Variants in DNAH11 observed in about 807,000 individuals in gnomAD.
DNAH11 encodes dynein axonemal heavy chain 11, also known as axonemal beta dynein heavy chain 11.
A neutral mutation model predicts 526.0 loss-of-function variants in DNAH11; 442 were observed. The observed-to-expected ratio is 0.84, with a 90% CI of 0.78 to 0.91. The LOEUF is 0.91. DNAH11 is among the 40% of genes least tolerant of loss of function. The pLI is 0.00. For synonymous variants in DNAH11, 2,461 were observed against 1,935.9 expected (o/e 1.27, Z -7.12); for missense variants, 6,989 against 5,448.7 (o/e 1.28, Z -8.90).
intron 30 of DNAH11, among the ~76,000 whole-genome samples, chr7:21,679,587 AAT>A (rs1196362998): frequency 6.6e-6 from 1 of 152,182 alleles, no homozygotes; most frequent in African/African-American, 2.4e-5. Flanking sequence ...GTGTATCCTG[AAT>A]ATCTAGGGGA....
chr7:21,784,460 CAGAG>C lies in DNAH11; in HGVS notation c.9521_9524del (p.Arg3174AsnfsTer31). 1 of 1,613,434 alleles carries C rather than the reference CAGAG, an allele frequency of 6.2e-7. No homozygotes were observed. Among genetic ancestry groups the C allele is most frequent in the Non-Finnish European group, 8.5e-7 (1 of 1,179,660 alleles). On this transcript the variant is annotated frameshift_variant, in exon 58 of 82. Transcript: ENST00000409508. LOFTEE classifies it high-confidence loss of function. Reference sequence around the variant, plus strand: ...CATTCAGACTGAAGTGTTCCAGAAACAGAGAGAATGTGAAGCTGACTTACTCAAG... The same window carrying C: ...CATTCAGACTGAAGTGTTCCAGAAACAGAATGTGAAGCTGACTTACTCAAG...
chr7:21,546,899 C>T (rs1782824002), intron 2 of DNAH11, among the ~76,000 whole-genome samples: 1 of 152,202 alleles, frequency 6.6e-6, no homozygotes, highest in African/African-American at 2.4e-5. Flanking sequence ...GGTTTAAGAA[C>T]TGTCATAAAG....
Position 21,683,641 on chromosome 7 carries a change from G to T in DNAH11, c.5461-143G>T, listed in dbSNP as rs975389634. On this transcript the variant is annotated intron_variant, in intron 31 of 81. Coordinates refer to ENST00000409508, the MANE Select transcript of DNAH11 (RefSeq NM_001277115.2). ...TTATTAAGTATTTAACCATGTATAT[G>T]CTATTATAATTTGCAATAGCGTGCA... 5.1e-6 allele frequency: 4 copies of T among 788,182 alleles called. No individual in the cohort carries two copies. The African/African-American group carries it at 7.0e-5, about 14-fold the overall frequency. The allele number at this position is 788,182 out of a possible 1,614,324, so 48.8% of individuals were successfully genotyped here.
intron 20 of DNAH11, among the ~76,000 whole-genome samples, chr7:21,614,055 G>A (rs1260560398): frequency 6.6e-6 from 1 of 151,920 alleles, no homozygotes; most frequent in Admixed American, 6.6e-5. Context: ...GGGATTACAA[G>A]CATGAGCCAC....
intron 57 of DNAH11, among the ~76,000 whole-genome samples, chr7:21,783,224 A>C (rs1455496727): frequency 6.6e-6 from 1 of 152,146 alleles, no homozygotes; most frequent in Non-Finnish European, 1.5e-5. Context: ...GTAAGCATGC[A>C]GGGTTCTCCG....
At chr7:21,766,908 T>C (rs1787208281) in intron 55 of DNAH11, among the ~76,000 whole-genome samples, 2 of 152,290 alleles carry the variant, frequency 1.3e-5, no homozygotes, top group East Asian at 3.9e-4. Flanking sequence ...GGTAGAGGCC[T>C]TAGGATATTC....
At chr7:21,568,813 A>G (rs1190121991) in intron 6 of DNAH11, among the ~76,000 whole-genome samples, 1 of 152,132 alleles carries the variant, frequency 6.6e-6, no homozygotes, top group Admixed American at 6.5e-5. Context: ...ATTTTTCAGC[A>G]TCCTAAAAAG....
Position 21,745,057 on chromosome 7 carries a change from A to T in DNAH11, c.8504A>T (p.Gln2835Leu), listed in dbSNP as rs1239169439. ...MHLVLFEDAM[Q>L]HVCRISRILR... ...CTAGTTTTGTTTGAAGATGCCATGC[A>T]ACATGTGTGAGTTAACTAGTCACGA... The change falls in exon 51 of 82, where the codon CAA (glutamine) becomes CTA (leucine). Residue 2835 changes from glutamine to leucine, a missense_variant. By Grantham distance (113) the Gln-to-Leu change is moderately radical. Coordinates refer to ENST00000409508, the MANE Select transcript of DNAH11 (RefSeq NM_001277115.2). 1 of 1,605,366 alleles carries T rather than the reference A, an allele frequency of 6.2e-7. No homozygotes were observed. The highest frequency in any genetic ancestry group is 1.1e-5 in the South Asian group (1 of 89,118).
intron 4 of DNAH11, among the ~76,000 whole-genome samples, chr7:21,560,181 A>G (rs1453822273): frequency 6.6e-6 from 1 of 152,156 alleles, no homozygotes; most frequent in Non-Finnish European, 1.5e-5. Context: ...TTGCCATACA[A>G]ATTACTTACT....
chr7:21,735,596 T>G (rs1437998275), intron 45 of DNAH11, 44 bp from the exon 46 acceptor site: 13 of 1,536,538 alleles, frequency 8.5e-6, no homozygotes, highest in Admixed American at 2.0e-5. Context: ...GCACGCACTC[T>G]CTCTCTCTTT....
At chr7:21,832,611 A>G (rs1284244662) in intron 65 of DNAH11, among the ~76,000 whole-genome samples, 1 of 152,196 alleles carries the variant, frequency 6.6e-6, no homozygotes, top group Non-Finnish European at 1.5e-5. Flanking sequence ...AGTCTCACAC[A>G]TTTATTCTTG....
chr7:21,628,096 G>T (rs1013393036), intron 25 of DNAH11, among the ~76,000 whole-genome samples: 3 of 151,704 alleles, frequency 2.0e-5, no homozygotes, highest in African/African-American at 4.8e-5. Context: ...AATGTTTTCT[G>T]TTGGTACATA....
At chr7:21,567,352 T>C (rs895031011) in intron 6 of DNAH11, among the ~76,000 whole-genome samples, 2 of 152,224 alleles carry the variant, frequency 1.3e-5, no homozygotes, top group African/African-American at 4.8e-5. Flanking sequence ...TGATAAAGTT[T>C]TTGTGAAAAT....
intron 34 of DNAH11, among the ~76,000 whole-genome samples, chr7:21,690,412 A>G (rs752482647): frequency 2.2e-4 from 34 of 152,242 alleles, no homozygotes; most frequent in Non-Finnish European, 4.4e-4. Flanking sequence ...CTGTCTATGC[A>G]GCATCCCATT....
At chr7:21,877,748 G>A (rs1054684656) in intron 74 of DNAH11, among the ~76,000 whole-genome samples, 12 of 151,786 alleles carry the variant, frequency 7.9e-5, no homozygotes, top group Non-Finnish European at 1.0e-4. Flanking sequence ...GGTGGTGGGC[G>A]CCTGTAGTCC....
intron 55 of DNAH11, among the ~76,000 whole-genome samples, chr7:21,771,548 G>A (rs1787434735): frequency 6.6e-6 from 1 of 152,184 alleles, no homozygotes; most frequent in South Asian, 2.1e-4. Context: ...AGGGAAAGCA[G>A]TTTCATCTTT....
chr7:21,552,865 G>A (rs1783072951), intron 2 of DNAH11, among the ~76,000 whole-genome samples: 1 of 147,860 alleles, frequency 6.8e-6, no homozygotes, highest in South Asian at 2.1e-4. Context: ...TGAGGAGGGT[G>A]TAGGGGTTAG....
chr7:21,710,582 T>A lies in DNAH11; in HGVS notation c.6713T>A (p.Phe2238Tyr). The change falls in exon 41 of 82, where the codon TTC becomes TAC. Residue 2238 changes from phenylalanine (F) to tyrosine (Y), a missense_variant. Physicochemically the swap from Phe to Tyr is conservative, Grantham distance 22. Coordinates refer to ENST00000409508, the MANE Select transcript of DNAH11 (RefSeq NM_001277115.2). ...GTTTACTCTTATTTTATAGGTCTCT[T>A]CTCATCCATTCTACGAGAACAAGCA... is the stretch of plus-strand genomic sequence containing the variant. ...KIVYSYFIGL[F>Y]SSILREQANL... 6.2e-7 allele frequency: 1 copy of A among 1,612,182 alleles called. No individual in the cohort carries two copies. The highest frequency in any genetic ancestry group is 8.5e-7 in the Non-Finnish European group (1 of 1,178,652).
chr7:21,656,361 C>G (rs867224243), intron 29 of DNAH11, among the ~76,000 whole-genome samples: 2 of 152,124 alleles, frequency 1.3e-5, no homozygotes, highest in South Asian at 2.1e-4. Context: ...TGAAGCAGCA[C>G]CTTGCAATAA....
Sources: allele counts gnomAD v4.1 joint callset (sites outside exome capture counted in the v4.1 genomes callset), GRCh38; gene constraint gnomAD v4.1.1; transcripts MANE v1.5; gene names NCBI Gene and HGNC (gene_info 2026-07-23, HGNC 2026-07-21).